The following SNX20 variants were observed in gnomAD, a reference collection of about 807,000 sequenced individuals.
SNX20 encodes the protein sorting nexin 20.
SNX20 carries 21 observed loss-of-function variants against 24.5 expected under a neutral mutation model. The ratio of observed to expected loss-of-function variants is 0.86; its 90% CI spans 0.61 to 1.23. The LOEUF is 1.23. Among genes scored for constraint, SNX20 ranks in the 50% most tolerant of loss-of-function variants. The pLI is 0.00. For synonymous variants in SNX20, 206 were observed against 192.8 expected, an observed-to-expected ratio of 1.07 and a Z score of -0.57; for missense variants, 433 against 430.8, an observed-to-expected ratio of 1.00 and a Z score of -0.04.
chr16:50,675,364 GT>G (rs1596795378), intron 3 of SNX20, among the ~76,000 whole-genome samples: 1 of 152,210 alleles, frequency 6.6e-6, no homozygotes, highest in East Asian at 1.9e-4. Flanking sequence ...TGTGATATTG[GT>G]TTTCCATTTA....
rs1455696948 is a variant in SNX20, at chr16:50,674,593, GAAC to G, written c.283-522_283-520del. Among the ~76,000 whole-genome samples the G allele has an allele frequency of 5.3e-5, 8 of 152,244 alleles. No homozygotes were observed. The South Asian group carries it at 8.3e-4, about 16-fold the overall frequency. ...ATTGGCATCAGCTGAGTCAACCCTG[GAAC>G]AACAACACAGCAAGGTGGGGACATC... On this transcript the variant is annotated intron_variant, in intron 3 of 3. Coordinates refer to ENST00000330943, the MANE Select transcript of SNX20 (RefSeq NM_182854.4).
intron 3 of SNX20, among the ~76,000 whole-genome samples, chr16:50,674,676 G>A (rs1048468356): frequency 2.0e-5 from 3 of 152,206 alleles, no homozygotes; most frequent in Admixed American, 1.3e-4. Context: ...GTCCCTCTTG[G>A]CTTTACTTGC....
Position 50,673,636 on chromosome 16 carries a change from C to G in SNX20, c.721G>C (p.Asp241His). Reference protein sequence around the residue: ...CAVLLCHRDLDRPAEAFAAGE... With the variant: ...CAVLLCHRDLHRPAEAFAAGE... ...GCCGCGAAGGCCTCGGCGGGGCGGT[C>G]GAGGTCGCGGTGGCACAGCAGCACG... Residue 241 changes from aspartate to histidine, a missense_variant, in exon 4 of 4, where the codon GAC (aspartate) becomes CAC (histidine). By Grantham distance (81) the Asp-to-His change is moderately conservative. Transcript: ENST00000330943. The surrounding 1 kb of genome is among the most constrained non-coding windows in gnomAD (Gnocchi z 4.1). 1 of 1,540,458 alleles carries G rather than the reference C, an allele frequency of 6.5e-7. No individual in the cohort carries two copies.
downstream of SNX20, chr16:50,668,128 C>T (rs78629804): frequency 3.6e-5 from 55 of 1,548,652 alleles, no homozygotes; most frequent in Non-Finnish European, 4.0e-5. Flanking sequence ...GCTGAACACT[C>T]GAGTTGGTGA....
downstream of SNX20, chr16:50,669,399 G>C (rs1425381947): frequency 2.2e-6 from 1 of 463,858 alleles, no homozygotes; most frequent in Admixed American, 3.5e-5. Flanking sequence ...GCCATGTCAG[G>C]CTCTTCTAAA....
chr16:50,675,917 T>G lies in SNX20; in HGVS notation c.135A>C (p.Thr45=), dbSNP rs754655833. ...PHPGPDGHLD[T]HSGLSSNSSM... ...TGGAGTTGGAGCTCAGGCCACTGTG[T>G]GTGTCTGGAAGGACAACACCCTTAA... Residue 45 remains threonine (T), a synonymous_variant, in exon 3 of 4, where the codon ACA becomes ACC. Coordinates refer to ENST00000330943, the MANE Select transcript of SNX20 (RefSeq NM_182854.4). 1.2e-6 allele frequency: 2 copies of G among 1,605,254 alleles called. No individual in the cohort carries two copies. The highest frequency in any genetic ancestry group is 1.7e-6 in the Non-Finnish European group (2 of 1,177,246).
chr16:50,669,047 C>T (rs772073294), downstream of SNX20: 1 of 1,551,848 alleles, frequency 6.4e-7, no homozygotes, highest in South Asian at 1.2e-5. Flanking sequence ...CCTCTCAGAG[C>T]ATGTCACTTT....
chr16:50,673,544 G>T lies in SNX20; in HGVS notation c.813C>A (p.Asp271Glu), dbSNP rs750413433. 1.9e-6 allele frequency: 3 copies of T among 1,608,620 alleles called. No individual in the cohort carries two copies. Among genetic ancestry groups the T allele is most frequent in the South Asian group, 2.2e-5 (2 of 90,826 alleles). Residue 271 changes from aspartate to glutamate, a missense_variant, in exon 4 of 4, where the codon GAC becomes GAA. Coordinates refer to ENST00000330943, the MANE Select transcript of SNX20 (RefSeq NM_182854.4). The surrounding 1 kb of genome is among the most constrained non-coding windows in gnomAD (Gnocchi z 4.1). ...GCGCGTAGGCCAGGCGGACCATGGCGTCCAGCAGAGGCGCATAGTAGCGAT... is the reference window on the plus strand; with the variant it reads ...GCGCGTAGGCCAGGCGGACCATGGCTTCCAGCAGAGGCGCATAGTAGCGAT... ...EGHRYYAPLL[D>E]AMVRLAYALG...
At chr16:50,671,189 G>A (rs1963042883), downstream of SNX20, 1 of 148,424 alleles carries the variant, frequency 6.7e-6, no homozygotes, top group African/African-American at 2.5e-5. Flanking sequence ...TTATAGGCCT[G>A]GCTTGATGCT....
intron 1 of SNX20, among the ~76,000 whole-genome samples, chr16:50,678,588 T>C (rs147492392): frequency 2.7e-4 from 41 of 152,302 alleles, no homozygotes; most frequent in African/African-American, 8.9e-4. Flanking sequence ...AACTGAGACT[T>C]AGAGTTGCCA....
chr16:50,668,129 G>A (rs749975946), downstream of SNX20: 103 of 1,548,808 alleles, frequency 6.7e-5, no homozygotes, highest in East Asian at 4.2e-4. Context: ...CTGAACACTC[G>A]AGTTGGTGAC....
Position 50,671,954 on chromosome 16 carries a change from G to A in SNX20, c.*1452C>T, listed in dbSNP as rs1221434123. On this transcript the variant is annotated 3_prime_UTR_variant, in exon 4 of 4. Transcript: ENST00000330943. ...CTCCTTAAGTGGTGTCTCACATTAA[G>A]GTTCCCAAATTACAGACTCATTAAT... 2 of 152,224 alleles carry A rather than the reference G, an allele frequency of 1.3e-5. No homozygotes were observed. The highest frequency in any genetic ancestry group is 4.1e-4 in the South Asian group (2 of 4,830). The allele number at this position is 152,224 out of a possible 1,614,324, so 9.4% of individuals were successfully genotyped here.
At position 50,675,832 on chromosome 16, in the gene SNX20, C is replaced by A; in HGVS notation, c.220G>T (p.Val74Phe). The change falls in exon 3 of 4, where the codon GTC (valine) becomes TTC (phenylalanine). Residue 74 changes from valine to phenylalanine, a missense_variant. Transcript: ENST00000330943. ...WQNQKCRWKHVKLLFEIASAR... is the reference protein window; with the variant it reads ...WQNQKCRWKHFKLLFEIASAR... Reference sequence around the variant, plus strand: ...GAAGCGATCTCAAAGAGCAGTTTGACGTGCTTCCAGCGGCATTTCTGGTTC... The same window carrying A: ...GAAGCGATCTCAAAGAGCAGTTTGAAGTGCTTCCAGCGGCATTTCTGGTTC... 1 of 1,613,644 alleles carries A rather than the reference C, an allele frequency of 6.2e-7. No individual in the cohort carries two copies. The highest frequency in any genetic ancestry group is 8.5e-7 in the Non-Finnish European group (1 of 1,179,830).
intron 3 of SNX20, 151 bp downstream of exon 3, chr16:50,675,619 T>G (rs1963162411): frequency 2.1e-6 from 2 of 955,140 alleles, no homozygotes; most frequent in Non-Finnish European, 3.1e-6. Context: ...GCCTGAAATC[T>G]TGCTCTTTGG....
chr16:50,676,552 A>T (rs779360651), intron 2 of SNX20, among the ~76,000 whole-genome samples: 1 of 152,208 alleles, frequency 6.6e-6, no homozygotes, highest in Non-Finnish European at 1.5e-5. Flanking sequence ...AAGAAGCACA[A>T]ATAATTGTGC....
At position 50,673,380 on chromosome 16, in the gene SNX20, G is replaced by C. The variant is rs1963095336; in HGVS notation, c.*26C>G. Reference sequence around the variant, plus strand: ...GAGCCATGGTGACCCCAAATCTCCAGCGTCCCTGCGGGGTCCCAGGCCGGC... The same window carrying C: ...GAGCCATGGTGACCCCAAATCTCCACCGTCCCTGCGGGGTCCCAGGCCGGC... On this transcript the variant is annotated 3_prime_UTR_variant, in exon 4 of 4. Coordinates refer to ENST00000330943, the MANE Select transcript of SNX20 (RefSeq NM_182854.4). The surrounding 1 kb of genome is among the most constrained non-coding windows in gnomAD (Gnocchi z 4.1). 6.9e-7 allele frequency: 1 copy of C among 1,447,408 alleles called. No homozygotes were observed. The allele number at this position is 1,447,408 out of a possible 1,614,324, so 89.7% of individuals were successfully genotyped here.
intron 3 of SNX20, among the ~76,000 whole-genome samples, chr16:50,674,980 C>T (rs79269752): frequency 6.8e-4 from 103 of 152,226 alleles, no homozygotes; most frequent in African/African-American, 2.1e-3. Context: ...TTAACCTCTC[C>T]GAGTCTCACT....
chr16:50,668,460 G>A (rs73575711), downstream of SNX20: 11,062 of 808,864 alleles, frequency 0.014, 982 homozygotes, highest in African/African-American at 0.19. Flanking sequence ...GTTTATTTTT[G>A]TAGCTACTTT....
At chr16:50,670,692 G>A (rs1266609169), downstream of SNX20, 4 of 152,296 alleles carry the variant, frequency 2.6e-5, no homozygotes, top group African/African-American at 9.6e-5. Context: ...GGAACCCAAG[G>A]AACGAGTGGG....
Sources: allele counts gnomAD v4.1 joint callset (sites outside exome capture counted in the v4.1 genomes callset), GRCh38; gene constraint gnomAD v4.1.1; non-coding constraint Gnocchi (gnomAD v3.1); transcripts MANE v1.5; gene names NCBI Gene and HGNC (gene_info 2026-07-23, HGNC 2026-07-21).